Variants in ENPP2 observed in about 807,000 individuals in gnomAD.
ENPP2 encodes autotaxin.
Under a neutral mutation model 120.2 loss-of-function variants are expected in ENPP2, and 51 were observed. That is an observed-to-expected ratio of 0.42 (90% CI 0.34 to 0.54). The LOEUF (loss-of-function observed/expected upper bound fraction) is 0.54, where lower values mean the gene tolerates loss of function less well. ENPP2 is among the 20% of genes least tolerant of loss of function. The pLI, the probability that ENPP2 is intolerant of heterozygous loss-of-function variation, is 0.04. For missense variants in ENPP2, 920 were observed against 1,066.5 expected (o/e 0.86, Z 1.91); for synonymous variants, 365 against 366.4 (o/e 1.00, Z 0.04).
intron 1 of ENPP2, among the ~76,000 whole-genome samples, chr8:119,649,313 A>T (rs1287908327): frequency 6.6e-6 from 1 of 151,632 alleles, no homozygotes; most frequent in Non-Finnish European, 1.5e-5. Context: ...GAGGCAGGAG[A>T]ATGGCGTGAA....
At chr8:119,560,214 T>C (rs1459310518) in intron 24 of ENPP2, among the ~76,000 whole-genome samples, 1 of 152,202 alleles carries the variant, frequency 6.6e-6, no homozygotes, top group Non-Finnish European at 1.5e-5. Flanking sequence ...TAGAACTGTA[T>C]GGCAATTTTT....
Position 119,600,484 on chromosome 8 carries a change from A to C in ENPP2, c.972+194T>G, listed in dbSNP as rs1814218939. ...TTATTTAAATATCAAATCAATCTGA[A>C]ATGAAGCTCCTGTAACAGAAACAGG... On this transcript the variant is annotated intron_variant, in intron 11 of 24. Coordinates refer to ENST00000075322, the MANE Select transcript of ENPP2 (RefSeq NM_001040092.3). Among the ~76,000 whole-genome samples the C allele has an allele frequency of 6.6e-6, 1 of 152,238 alleles. No homozygotes were observed. The highest frequency in any genetic ancestry group is 2.4e-5 in the African/African-American group (1 of 41,460).
At chr8:119,573,551 G>A (rs1437324584) in intron 19 of ENPP2, among the ~76,000 whole-genome samples, 3 of 152,106 alleles carry the variant, frequency 2.0e-5, no homozygotes, top group East Asian at 3.9e-4. Context: ...AGTGGCTCAC[G>A]CCTGTAAGCC....
intron 5 of ENPP2, chr8:119,618,260 G>T: frequency 2.0e-6 from 1 of 495,388 alleles, no homozygotes. Flanking sequence ...GTGCTTCTTG[G>T]GATTCTCCAA....
At chr8:119,621,098 G>C (rs1815862925) in intron 4 of ENPP2, among the ~76,000 whole-genome samples, 1 of 152,180 alleles carries the variant, frequency 6.6e-6, no homozygotes, top group Non-Finnish European at 1.5e-5. Context: ...CCGAATTCCT[G>C]TCTCAGGATC....
At chr8:119,620,642 T>G (rs1340398764) in intron 4 of ENPP2, among the ~76,000 whole-genome samples, 1 of 152,204 alleles carries the variant, frequency 6.6e-6, no homozygotes, top group South Asian at 2.1e-4. Context: ...CTTCTATAAG[T>G]GGGTTGCACG....
chr8:119,645,553 G>C (rs538168277), intron 1 of ENPP2, among the ~76,000 whole-genome samples: 2 of 152,102 alleles, frequency 1.3e-5, no homozygotes, highest in African/African-American at 4.8e-5. Flanking sequence ...AGCCGGGCAC[G>C]GTGGCTCACG....
At chr8:119,640,980 C>T (rs1486120038), upstream of ENPP2, among the ~76,000 whole-genome samples, 1 of 152,048 alleles carries the variant, frequency 6.6e-6, no homozygotes, top group Non-Finnish European at 1.5e-5. Flanking sequence ...CTCCTGACCT[C>T]AGGTGATCCG....
At chr8:119,561,864 T>C (rs561820579) in intron 24 of ENPP2, among the ~76,000 whole-genome samples, 16 of 152,158 alleles carry the variant, frequency 1.1e-4, no homozygotes, top group South Asian at 6.2e-4. Flanking sequence ...CATGGCTGGG[T>C]GCAGTGGCTC....
chr8:119,626,633 C>T lies in ENPP2; in HGVS notation c.224G>A (p.Arg75His), dbSNP rs76491956. 2.3e-5 allele frequency: 37 copies of T among 1,613,950 alleles called. No individual in the cohort carries two copies. Among genetic ancestry groups the T allele is most frequent in the Middle Eastern group, 3.3e-4 (2 of 6,058 alleles). The change falls in exon 3 of 25, where the codon CGC (arginine) becomes CAC (histidine). Residue 75 changes from arginine (R) to histidine (H), a missense_variant. Transcript: ENST00000075322. ...ELQEAGPPDC[R>H]CDNLCKSYTS... ...ATAGCTCTTACACAAGTTGTCACAG[C>T]GACAATCAGGAGGTCCAGCCTCTTG...
intron 22 of ENPP2, 122 bp from the exon 23 acceptor site, chr8:119,565,077 T>C: frequency 1.3e-6 from 1 of 746,150 alleles, no homozygotes; most frequent in South Asian, 1.8e-5. Flanking sequence ...AAGAGAGCTG[T>C]CGTGATTCAT....
chr8:119,570,779 G>C lies in ENPP2; in HGVS notation c.1843C>G (p.His615Asp). ...CTATAACCACTTTCAAAGTCAGTGT[G>C]ATATAAGATATCATATCTAGTCCGA... Reference protein sequence around the residue: ...LYRTRYDILYHTDFESGYSEI... With the variant: ...LYRTRYDILYDTDFESGYSEI... Residue 615 changes from histidine (H) to aspartate (D), a missense_variant, in exon 20 of 25, where the codon CAC (histidine) becomes GAC (aspartate). His to Asp is a moderately conservative substitution (Grantham distance 81). Coordinates refer to ENST00000075322, the MANE Select transcript of ENPP2 (RefSeq NM_001040092.3). 3 of 1,592,260 alleles carry C rather than the reference G, an allele frequency of 1.9e-6. No homozygotes were observed. Among genetic ancestry groups the C allele is most frequent in the Non-Finnish European group, 2.6e-6 (3 of 1,165,858 alleles).
chr8:119,625,461 T>G (rs773959597), intron 3 of ENPP2, among the ~76,000 whole-genome samples: 2 of 152,212 alleles, frequency 1.3e-5, no homozygotes, highest in Non-Finnish European at 2.9e-5. Context: ...GGATTTCATA[T>G]AAATCAAGAG....
intron 22 of ENPP2, among the ~76,000 whole-genome samples, chr8:119,565,657 T>G (rs1478021625): frequency 6.6e-6 from 1 of 152,112 alleles, no homozygotes; most frequent in Non-Finnish European, 1.5e-5. Flanking sequence ...CCAAAGTACA[T>G]CCCAATTATC....
intron 4 of ENPP2, 129 bp downstream of exon 4, chr8:119,621,265 A>G (rs2130738897): frequency 1.3e-6 from 1 of 758,636 alleles, no homozygotes; most frequent in African/African-American, 1.7e-5. Flanking sequence ...ATGAGAAATT[A>G]AAAAGGACAA....
intron 13 of ENPP2, among the ~76,000 whole-genome samples, chr8:119,588,060 G>GA (rs1394788818): frequency 6.6e-6 from 1 of 152,110 alleles, no homozygotes; most frequent in Non-Finnish European, 1.5e-5. Context: ...CTTGCCTTGG[G>GA]ATATAAATAT....
intron 6 of ENPP2, 94 bp from the exon 7 acceptor site, chr8:119,617,337 C>A (rs548951791): frequency 3.7e-5 from 43 of 1,171,560 alleles, no homozygotes; most frequent in Non-Finnish European, 4.8e-5. Flanking sequence ...GTGTTACCTT[C>A]ACTTCTGTAT....
chr8:119,582,311 G>A (rs1345888329), intron 18 of ENPP2, 107 bp downstream of exon 18: 3 of 811,990 alleles, frequency 3.7e-6, no homozygotes, highest in Non-Finnish European at 5.9e-6. Flanking sequence ...CTACCATTTT[G>A]GACAGCATAA....
At chr8:119,629,175 A>C (rs995189878) in intron 2 of ENPP2, among the ~76,000 whole-genome samples, 4 of 152,210 alleles carry the variant, frequency 2.6e-5, no homozygotes, top group Admixed American at 6.5e-5. Flanking sequence ...GTATATGTAC[A>C]AAATATATAC....
Sources: gnomAD v4.1 joint callset for allele counts (sites outside exome capture counted in the v4.1 genomes callset) on GRCh38, gnomAD v4.1.1 for gene constraint, MANE v1.5 for transcripts, NCBI Gene and HGNC (gene_info 2026-07-23, HGNC 2026-07-21) for gene names.